MDGA2: variants seen among roughly 807,000 people sequenced by gnomAD.
MDGA2 encodes the protein MAM domain containing glycosylphosphatidylinositol anchor 2.
A neutral mutation model predicts 117.8 loss-of-function variants in MDGA2; 40 were observed. That is an observed-to-expected ratio of 0.34 (90% CI 0.26 to 0.44). MDGA2 has a LOEUF of 0.44. Ranked by LOEUF, MDGA2 falls within the 20% of genes least tolerant of loss-of-function variation. The probability of loss-of-function intolerance (pLI) is 1.00; values close to 1 mark genes in which losing one functional copy is unlikely to be tolerated. For synonymous variants in MDGA2, 452 were observed against 439.0 expected (o/e 1.03, Z -0.37); for missense variants, 1,123 against 1,250.6 (o/e 0.90, Z 1.54).
At chr14:47,045,636 A>G (rs1355516577) in intron 7 of MDGA2, among the ~76,000 whole-genome samples, 3 of 152,126 alleles carry the variant, frequency 2.0e-5, no homozygotes, top group Admixed American at 6.6e-5. Flanking sequence ...TGGAGGGAAT[A>G]GGGACTCTAC....
At chr14:47,530,575 A>C (rs1895077177) in intron 1 of MDGA2, among the ~76,000 whole-genome samples, 1 of 152,140 alleles carries the variant, frequency 6.6e-6, no homozygotes, top group African/African-American at 2.4e-5. Flanking sequence ...TCCCTCATTA[A>C]CTTACCCCCA....
intron 1 of MDGA2, among the ~76,000 whole-genome samples, chr14:47,368,793 TATA>T (rs1465308567): frequency 1.4e-4 from 21 of 152,212 alleles, no homozygotes; most frequent in East Asian, 7.7e-4. Flanking sequence ...AGAGAGTTCA[TATA>T]ATAATAACAT....
intron 3 of MDGA2, among the ~76,000 whole-genome samples, chr14:47,208,566 A>G (rs1246278095): frequency 6.7e-6 from 1 of 149,204 alleles, no homozygotes; most frequent in Admixed American, 6.7e-5. Flanking sequence ...TGTGCAATAC[A>G]GAGTTGACGG....
intron 3 of MDGA2, among the ~76,000 whole-genome samples, chr14:47,207,695 C>T (rs934083820): frequency 2.6e-5 from 4 of 151,976 alleles, no homozygotes; most frequent in Admixed American, 2.0e-4. Context: ...ACTTCATTCA[C>T]AGCCATCTGG....
chr14:46,865,101 C>T (rs1056372472), intron 14 of MDGA2, among the ~76,000 whole-genome samples: 3 of 152,092 alleles, frequency 2.0e-5, no homozygotes, highest in East Asian at 3.9e-4. Flanking sequence ...ATTTTGAATT[C>T]TAATCAGAAG....
chr14:47,642,339 A>G (rs1371629414), intron 1 of MDGA2, among the ~76,000 whole-genome samples: 2 of 152,120 alleles, frequency 1.3e-5, no homozygotes, highest in African/African-American at 4.8e-5. Flanking sequence ...TCAGCAGTAC[A>G]TAACTCTTTA....
intron 1 of MDGA2, among the ~76,000 whole-genome samples, chr14:47,514,128 G>A (rs938968297): frequency 3.9e-5 from 6 of 152,088 alleles, no homozygotes; most frequent in African/African-American, 1.4e-4. Context: ...GCCTTTTACT[G>A]TTTTCAATTC....
At chr14:47,609,466 A>ATATATATATATATATATATATATATAT (rs1566539792) in intron 1 of MDGA2, among the ~76,000 whole-genome samples, 1 of 20,754 alleles carries the variant, frequency 4.8e-5, no homozygotes, top group Non-Finnish European at 1.1e-4. Context: ...TATATATATA[A>ATATATATATATATATATATATATATAT]GTTTCTTTAT....
rs893676253 is a variant in MDGA2 at position 47,241,879 on chromosome 14, T to C, written c.421-23684A>G. Among the ~76,000 whole-genome samples the C allele has an allele frequency of 4.6e-5, 7 of 151,962 alleles. No homozygotes were observed. The South Asian group carries it at 8.3e-4, about 18-fold the overall frequency. ...AGCTAAATTGAAATCCCTTCTTTAC[T>C]ATGAAATCATTTTGTGATCCTGAAG... On this transcript the variant is annotated intron_variant, in intron 2 of 16. Coordinates refer to ENST00000399232, the MANE Select transcript of MDGA2 (RefSeq NM_001113498.3).
intron 9 of MDGA2, among the ~76,000 whole-genome samples, chr14:46,929,603 A>ATG (rs1566530196): frequency 1.4e-3 from 11 of 7,990 alleles, no homozygotes; most frequent in African/African-American, 4.4e-3. Context: ...GTGTGTGTGT[A>ATG]TATATATATA....
rs55905510 is a variant in MDGA2 at position 47,542,525 on chromosome 14, T to C, written c.280+131992A>G. ...TATGATTAGTGTAGTTGATGCTTTT[T>C]CAGTTTTTATTTAATTTTAGTGATA... is the stretch of plus-strand genomic sequence containing the variant. On this transcript the variant is annotated intron_variant, in intron 1 of 16. Transcript: ENST00000399232. Among the ~76,000 whole-genome samples, 1,236 of 152,330 alleles carry C rather than the reference T, an allele frequency of 8.1e-3. 5 individuals carry two copies. Among genetic ancestry groups the C allele is most frequent in the Non-Finnish European group, 0.013 (890 of 68,034 alleles).
At chr14:46,968,007 G>A (rs60799806) in intron 8 of MDGA2, among the ~76,000 whole-genome samples, 2 of 151,978 alleles carry the variant, frequency 1.3e-5, no homozygotes, top group Non-Finnish European at 2.9e-5. Flanking sequence ...TCAATAATCC[G>A]AAGCATGAGA....
intron 1 of MDGA2, among the ~76,000 whole-genome samples, chr14:47,394,353 A>G (rs969882158): frequency 5.3e-5 from 8 of 152,172 alleles, no homozygotes; most frequent in Non-Finnish European, 1.0e-4. Context: ...GAACACAGTA[A>G]ATCAGCAAGA....
rs574917661 is a variant in MDGA2, at chr14:47,599,864, T to G, written c.280+74653A>C. Among the ~76,000 whole-genome samples, 5 of 152,234 alleles carry G rather than the reference T, an allele frequency of 3.3e-5. No individual in the cohort carries two copies. In the East Asian group the frequency reaches 9.7e-4, roughly 29 times the overall value. ...GTGTTTTAAAATGAAGAAGAGGTCT[T>G]TTTGGAATGTATAAAATATATACAA... is the stretch of plus-strand genomic sequence containing the variant. On this transcript the variant is annotated intron_variant, in intron 1 of 16. Transcript: ENST00000399232.
At chr14:47,547,474 T>G (rs1895486709) in intron 1 of MDGA2, among the ~76,000 whole-genome samples, 1 of 152,204 alleles carries the variant, frequency 6.6e-6, no homozygotes, top group African/African-American at 2.4e-5. Flanking sequence ...AGGTTTTATG[T>G]GTTTCCATCC....
intron 2 of MDGA2, among the ~76,000 whole-genome samples, chr14:47,299,941 A>T (rs1264356459): frequency 6.6e-6 from 1 of 152,024 alleles, no homozygotes; most frequent in Non-Finnish European, 1.5e-5. Flanking sequence ...ATTCTTTCAG[A>T]TTACTTTTGT....
At chr14:47,581,755 G>C (rs58970225) in intron 1 of MDGA2, among the ~76,000 whole-genome samples, 2 of 151,856 alleles carry the variant, frequency 1.3e-5, no homozygotes, top group African/African-American at 4.8e-5. Context: ...AAACACAGGC[G>C]CAACAACCTG....
chr14:47,517,105 A>G (rs1894769740), intron 1 of MDGA2, among the ~76,000 whole-genome samples: 2 of 152,186 alleles, frequency 1.3e-5, no homozygotes, highest in Non-Finnish European at 2.9e-5. Context: ...ACATATGATT[A>G]TTTATCCTCC....
At chr14:47,672,114 T>A (rs2138320308) in intron 1 of MDGA2, among the ~76,000 whole-genome samples, 1 of 152,330 alleles carries the variant, frequency 6.6e-6, no homozygotes, top group South Asian at 2.1e-4. Flanking sequence ...ATGCTGAAGA[T>A]TAGGGGCCTA....
Sources: allele counts gnomAD v4.1 joint callset (sites outside exome capture counted in the v4.1 genomes callset), GRCh38; gene constraint gnomAD v4.1.1; transcripts MANE v1.5; gene names NCBI Gene and HGNC (gene_info 2026-07-23, HGNC 2026-07-21).